The following SLC28A2 variants were observed in gnomAD, a reference collection of about 807,000 sequenced individuals.
The protein encoded by SLC28A2 is solute carrier family 28 member 2.
Under a neutral mutation model 72.9 loss-of-function variants are expected in SLC28A2, and 69 were observed. The observed-to-expected ratio is 0.95, with a 90% confidence interval of 0.78 to 1.16. The LOEUF (loss-of-function observed/expected upper bound fraction) is 1.16. Ranked by LOEUF, SLC28A2 falls within the 50% of genes most tolerant of loss-of-function variation. SLC28A2 has a pLI of 0.00. For missense variants in SLC28A2, 745 were observed against 791.1 expected (o/e 0.94, Z 0.70); for synonymous variants, 296 against 294.1 (o/e 1.01, Z -0.07).
In SLC28A2 at chr15:45,267,752, G is replaced by A. The variant is rs766377520; in HGVS notation, c.1155G>A (p.Glu385=). 6.2e-7 allele frequency: 1 copy of A among 1,614,092 alleles called. No homozygotes were observed. The highest frequency in any genetic ancestry group is 1.1e-5 in the South Asian group (1 of 91,080). The change falls in exon 12 of 18, where the codon GAG becomes GAA. Residue 385 remains glutamate (E), a synonymous_variant. Coordinates refer to ENST00000347644, the MANE Select transcript of SLC28A2 (RefSeq NM_004212.4). ...ASSKLAYPEV[E]ESKFKSEEGV... ...CAAAGCTAGCGTATCCGGAAGTGGA[G>A]GAGTCCAAGTTCAAGAGTGAGGAGG...
At chr15:45,254,891 G>A (rs1029686598) in intron 3 of SLC28A2, among the ~76,000 whole-genome samples, 6 of 152,090 alleles carry the variant, frequency 3.9e-5, no homozygotes, top group Admixed American at 3.3e-4. Flanking sequence ...ACTTAGCAGT[G>A]TGGCCGTTAA....
intron 3 of SLC28A2, chr15:45,255,305 A>C (rs1345953272): frequency 1.3e-5 from 2 of 151,734 alleles, no homozygotes; most frequent in East Asian, 1.9e-4. Context: ...TTTTGCAATG[A>C]ATGTTGGTTA....
chr15:45,268,179 C>G (rs757720790), intron 12 of SLC28A2, 31 bp from the exon 13 acceptor site: 1 of 1,580,352 alleles, frequency 6.3e-7, no homozygotes, highest in African/African-American at 1.3e-5. Context: ...CTGTAGACAC[C>G]CTACTCTTGC....
At chr15:45,265,730 A>C in intron 9 of SLC28A2, 67 bp downstream of exon 9, 1 of 1,081,096 alleles carries the variant, frequency 9.2e-7, no homozygotes, top group Non-Finnish European at 1.4e-6. Context: ...CTTTGGAAAA[A>C]TGCCCATAGC....
rs779020667 is a variant in SLC28A2 at position 45,268,318 on chromosome 15, C to T, written c.1308C>T (p.Phe436=). Reference sequence around the variant, plus strand: ...TTGCCTTTTTGGCTGTGTTGGCCTTCATCAATGCTGCCCTCTCCTGGCTGG... The same window carrying T: ...TTGCCTTTTTGGCTGTGTTGGCCTTTATCAATGCTGCCCTCTCCTGGCTGG... ...NLIAFLAVLA[F]INAALSWLGE... is the part of the protein sequence containing the mutation. Residue 436 remains phenylalanine, a synonymous_variant, in exon 13 of 18, where the codon TTC becomes TTT. Transcript: ENST00000347644. 1.2e-6 allele frequency: 2 copies of T among 1,611,850 alleles called. No individual in the cohort carries two copies. Among genetic ancestry groups the T allele is most frequent in the Non-Finnish European group, 1.7e-6 (2 of 1,178,112 alleles).
intron 8 of SLC28A2, among the ~76,000 whole-genome samples, 198 bp downstream of exon 8, chr15:45,265,364 T>C (rs1292916452): frequency 6.6e-6 from 1 of 152,008 alleles, no homozygotes; most frequent in Non-Finnish European, 1.5e-5. Flanking sequence ...TTAGATGAAA[T>C]GAGAATTGGG....
chr15:45,259,559 T>A (rs1900084795), intron 3 of SLC28A2, among the ~76,000 whole-genome samples: 1 of 152,232 alleles, frequency 6.6e-6, no homozygotes, highest in African/African-American at 2.4e-5. Context: ...ACTTTCTAGC[T>A]ATCTGTCACA....
At chr15:45,272,041 T>A in intron 15 of SLC28A2, 1 of 429,118 alleles carries the variant, frequency 2.3e-6, no homozygotes. Flanking sequence ...CTTGGGTATG[T>A]TCACAGAACC....
At position 45,276,760 on chromosome 15, in the gene SLC28A2, A is replaced by G. The variant is rs1244814079; in HGVS notation, c.*1247A>G. On this transcript the variant is annotated 3_prime_UTR_variant, in exon 18 of 18. Coordinates refer to ENST00000347644, the MANE Select transcript of SLC28A2 (RefSeq NM_004212.4). Reference sequence around the variant, plus strand: ...TGTTACCTTTGAAAGGTATATGAATATTTAATGATAAGATTTTTCTGGTTG... The same window carrying G: ...TGTTACCTTTGAAAGGTATATGAATGTTTAATGATAAGATTTTTCTGGTTG... 2 of 152,178 alleles carry G rather than the reference A, an allele frequency of 1.3e-5. No individual in the cohort carries two copies. Among genetic ancestry groups the G allele is most frequent in the Non-Finnish European group, 2.9e-5 (2 of 68,034 alleles). 9.4% of individuals were successfully genotyped at this position (152,178 alleles called of 1,614,324 possible).
At chr15:45,265,237 G>A (rs1900296071) in intron 8 of SLC28A2, 71 bp downstream of exon 8, 1 of 1,083,808 alleles carries the variant, frequency 9.2e-7, no homozygotes. Context: ...GGATGAAAGT[G>A]TGTGTCCAAG....
chr15:45,258,991 G>T (rs1344932376), intron 3 of SLC28A2, among the ~76,000 whole-genome samples: 1 of 152,078 alleles, frequency 6.6e-6, no homozygotes, highest in East Asian at 1.9e-4. Context: ...TGTCTCCATT[G>T]TATGTGTGTA....
chr15:45,271,851 G>A (rs1900582335), intron 15 of SLC28A2: 1 of 154,212 alleles, frequency 6.5e-6, no homozygotes, highest in Non-Finnish European at 1.4e-5. Context: ...TCTAGTAGTG[G>A]GATATGCATT....
intron 12 of SLC28A2, 76 bp downstream of exon 12, chr15:45,267,872 A>G: frequency 6.6e-7 from 1 of 1,522,608 alleles, no homozygotes; most frequent in Non-Finnish European, 9.1e-7. Flanking sequence ...CAGAGACTTC[A>G]AGTCTCCCTG....
At chr15:45,266,661 G>A (rs187792203) in intron 10 of SLC28A2, among the ~76,000 whole-genome samples, 27 of 152,256 alleles carry the variant, frequency 1.8e-4, no homozygotes, top group Middle Eastern at 3.4e-3. Context: ...GCTCAATGTT[G>A]GGGACAATGA....
chr15:45,272,820 C>T lies in SLC28A2; in HGVS notation c.1859+36C>T, dbSNP rs112144671. On this transcript the variant is annotated intron_variant, in intron 17 of 17. Transcript: ENST00000347644. ...GGACCCCATTCCTTTCTCTCACACA[C>T]GGCCCTCAGGTCTCCACGGTAATGC... 606 of 1,119,044 alleles carry T rather than the reference C, an allele frequency of 5.4e-4. No homozygotes were observed. In the African/African-American group the frequency reaches 7.2e-3, roughly 13 times the overall value. 69.3% of individuals were successfully genotyped at this position (1,119,044 alleles called of 1,614,324 possible). A position where few individuals can be genotyped will look rare whatever the true frequency, so the allele number is the denominator to read the frequency against.
chr15:45,273,908 G>A (rs1230265993), intron 17 of SLC28A2, among the ~76,000 whole-genome samples: 1 of 152,110 alleles, frequency 6.6e-6, no homozygotes, highest in Non-Finnish European at 1.5e-5. Context: ...TTCAGGAATG[G>A]GAGTAAAAGG....
Position 45,253,259 on chromosome 15 carries a change from T to C in SLC28A2, c.44T>C (p.Val15Ala), listed in dbSNP as rs766547667. ...SGRQSIALST[V>A]ETGTVNPGLE... ...AGACAGTCCATTGCTCTGTCCACAG[T>C]GGAGACTGGCACAGTGAACCCGGGG... The change falls in exon 2 of 18, where the codon GTG becomes GCG. Residue 15 changes from valine (V) to alanine (A), a missense_variant. By Grantham distance (64) the Val-to-Ala change is moderately conservative. Coordinates refer to ENST00000347644, the MANE Select transcript of SLC28A2 (RefSeq NM_004212.4). 2 of 1,613,742 alleles carry C rather than the reference T, an allele frequency of 1.2e-6. No individual in the cohort carries two copies. The highest frequency in any genetic ancestry group is 3.3e-5 in the Admixed American group (2 of 60,002).
intron 17 of SLC28A2, among the ~76,000 whole-genome samples, chr15:45,273,517 T>C (rs1333296082): frequency 6.6e-6 from 1 of 151,524 alleles, no homozygotes; most frequent in Non-Finnish European, 1.5e-5. Context: ...GTGAAGGGAG[T>C]TGTGGGAAAA....
At chr15:45,265,845 GAGA>G (rs1473300337) in intron 9 of SLC28A2, among the ~76,000 whole-genome samples, 182 bp downstream of exon 9, 1 of 152,218 alleles carries the variant, frequency 6.6e-6, no homozygotes, top group African/African-American at 2.4e-5. Context: ...GCAGAGCAGA[GAGA>G]AGATGAGCTG....
Sources: allele counts gnomAD v4.1 joint callset (sites outside exome capture counted in the v4.1 genomes callset), GRCh38; gene constraint gnomAD v4.1.1; transcripts MANE v1.5; gene names NCBI Gene and HGNC (gene_info 2026-07-23, HGNC 2026-07-21).